The following SNX31 variants were observed in gnomAD, a reference collection of about 807,000 sequenced individuals.
The protein encoded by SNX31 is sorting nexin-31.
Under a neutral mutation model 65.4 loss-of-function variants are expected in SNX31, and 58 were observed. The observed-to-expected ratio is 0.89, with a 90% CI of 0.72 to 1.10. SNX31 has a LOEUF of 1.10. Ranked by LOEUF, SNX31 falls within the 50% of genes least tolerant of loss-of-function variation. The pLI is 0.00. For missense variants in SNX31, 523 were observed against 529.7 expected (o/e 0.99, Z 0.12); for synonymous variants, 181 against 190.1 (o/e 0.95, Z 0.39).
intron 1 of SNX31, among the ~76,000 whole-genome samples, chr8:100,659,448 C>A (rs1297275678): frequency 6.6e-6 from 1 of 151,392 alleles, no homozygotes; most frequent in Non-Finnish European, 1.5e-5. Context: ...CTGAGGCTGT[C>A]CCATGTACGG....
rs765492747 is a variant in SNX31 at position 100,575,574 on chromosome 8, G to A, written c.1227+1445C>T. On this transcript the variant is annotated intron_variant, in intron 13 of 13. Transcript: ENST00000311812. The surrounding 1 kb of genome is among the most constrained non-coding windows in gnomAD (Gnocchi z 5.1). ...TGTTATCTGTTGTCCTAGGACAGTG[G>A]CTCTCAAACTTGAACATGCATCAGA... 5.9e-4 allele frequency among the ~76,000 whole-genome samples: 90 copies of A among 152,132 alleles called. No homozygotes were observed. The highest frequency in any genetic ancestry group is 1.1e-3 in the Non-Finnish European group (72 of 68,022).
chr8:100,625,016 G>T lies in SNX31; in HGVS notation c.321+5311C>A, dbSNP rs1320001453. Reference sequence around the variant, plus strand: ...TGTAGAGACAGAGTCTCACTATGTTGCCCAGGCTGGTCTTCAACTCCTGGC... The same window carrying T: ...TGTAGAGACAGAGTCTCACTATGTTTCCCAGGCTGGTCTTCAACTCCTGGC... On this transcript the variant is annotated intron_variant, in intron 4 of 13. Coordinates refer to ENST00000311812, the MANE Select transcript of SNX31 (RefSeq NM_152628.4). The surrounding 1 kb of genome is among the most constrained non-coding windows in gnomAD (Gnocchi z 4.2). Among the ~76,000 whole-genome samples the T allele has an allele frequency of 1.3e-5, 2 of 151,838 alleles. No homozygotes were observed. The highest frequency in any genetic ancestry group is 2.9e-5 in the Non-Finnish European group (2 of 67,996).
intron 8 of SNX31, among the ~76,000 whole-genome samples, chr8:100,607,018 G>T (rs1816227334): frequency 6.6e-6 from 1 of 152,190 alleles, no homozygotes; most frequent in South Asian, 2.1e-4. Context: ...TTCCAGTAGG[G>T]AGAGAGTAAA....
At chr8:100,592,940 C>A (rs1363559447) in intron 10 of SNX31, among the ~76,000 whole-genome samples, 2 of 152,170 alleles carry the variant, frequency 1.3e-5, no homozygotes, top group Non-Finnish European at 2.9e-5. Context: ...TCATGCCGGA[C>A]TTTCTATGTG....
intron 9 of SNX31, 53 bp downstream of exon 9, chr8:100,600,296 T>A: frequency 6.8e-7 from 1 of 1,475,542 alleles, no homozygotes; most frequent in South Asian, 1.1e-5. Context: ...AATTCTAATA[T>A]GTTTCTTTAA....
intron 2 of SNX31, among the ~76,000 whole-genome samples, chr8:100,637,536 C>T (rs942360614): frequency 6.6e-6 from 1 of 152,146 alleles, no homozygotes; most frequent in African/African-American, 2.4e-5. Context: ...AGTCAAGAAT[C>T]TCATGACTTC....
At chr8:100,656,276 C>T (rs1190378266) in intron 1 of SNX31, among the ~76,000 whole-genome samples, 2 of 152,154 alleles carry the variant, frequency 1.3e-5, no homozygotes, top group Admixed American at 6.6e-5. Flanking sequence ...AGTGTACTTT[C>T]CTTCCTTTTT....
rs1469878254 is a variant in SNX31 at position 100,604,402 on chromosome 8, C to G, written c.682-3961G>C. On this transcript the variant is annotated intron_variant, in intron 8 of 13. Transcript: ENST00000311812. The surrounding 1 kb of genome is among the most constrained non-coding windows in gnomAD (Gnocchi z 4.3). ...TGAGAAATAGAGGTCATATGCCTCT[C>G]AAAGGCCGGCACTGGCCACTCGGCT... 6.6e-6 allele frequency among the ~76,000 whole-genome samples: 1 copy of G among 152,240 alleles called. No homozygotes were observed. The highest frequency in any genetic ancestry group is 1.5e-5 in the Non-Finnish European group (1 of 68,046).
At chr8:100,634,394 A>G (rs565601054) in intron 3 of SNX31, among the ~76,000 whole-genome samples, 3 of 136,820 alleles carry the variant, frequency 2.2e-5, no homozygotes, top group African/African-American at 9.4e-5. Context: ...TTCCTAATCC[A>G]GAAACTTTTT....
At chr8:100,651,407 C>T (rs1819969041), upstream of SNX31, among the ~76,000 whole-genome samples, 1 of 152,208 alleles carries the variant, frequency 6.6e-6, no homozygotes, top group African/African-American at 2.4e-5. Context: ...GTGGCCCCAG[C>T]TTTCCTGGAA....
intron 5 of SNX31, among the ~76,000 whole-genome samples, chr8:100,616,740 G>A (rs924825374): frequency 1.8e-4 from 28 of 152,144 alleles, no homozygotes; most frequent in Non-Finnish European, 3.1e-4. Flanking sequence ...GGAGATACAG[G>A]AATAGGTTAA....
intron 8 of SNX31, among the ~76,000 whole-genome samples, chr8:100,603,977 C>A (rs59364449): frequency 0.4 from 60,390 of 151,682 alleles, 13,320 homozygotes; most frequent in African/African-American, 0.59. Context: ...ATCTCAGGTA[C>A]TCTGCCCACC....
intron 11 of SNX31, among the ~76,000 whole-genome samples, chr8:100,587,147 C>T (rs1814119530): frequency 6.6e-6 from 1 of 152,164 alleles, no homozygotes; most frequent in African/African-American, 2.4e-5. Context: ...TCCTGTTTCT[C>T]TTTGCTAGAT....
intron 9 of SNX31, among the ~76,000 whole-genome samples, chr8:100,599,641 C>T (rs967131800): frequency 2.0e-5 from 3 of 151,846 alleles, no homozygotes; most frequent in East Asian, 1.9e-4. Context: ...GGTTGTATTT[C>T]GTTCAAAAAT....
intron 11 of SNX31, among the ~76,000 whole-genome samples, chr8:100,587,021 T>C (rs1045830108): frequency 2.6e-5 from 4 of 152,218 alleles, no homozygotes; most frequent in African/African-American, 7.2e-5. Context: ...CATGGATAGT[T>C]GGCTACCCAA....
chr8:100,608,405 A>C, intron 8 of SNX31, 89 bp downstream of exon 8: 1 of 1,213,388 alleles, frequency 8.2e-7, no homozygotes, highest in Admixed American at 1.8e-5. Flanking sequence ...TGGAGGTAGA[A>C]TTACTAACTG....
rs1467038404 is a variant in SNX31, at chr8:100,617,676, C to A, written c.376G>T (p.Glu126Ter). The stretch of plus-strand genomic sequence containing the variant: ...ATAATTTCGATTCTAATACTCTGTT[C>A]ATTGGGCAGAAATATGTCCAGATAA... Reference protein sequence around the residue: ...KAYLDIFLPNEQSIRIEIITS... With the variant: ...KAYLDIFLPN Residue 126 changes from glutamate (E) to a stop codon, truncating the protein, a stop_gained, in exon 5 of 14, where the codon GAA becomes TAA. Transcript: ENST00000311812. LOFTEE classifies it high-confidence loss of function. 3 of 1,613,464 alleles carry A rather than the reference C, an allele frequency of 1.9e-6. No individual in the cohort carries two copies. The highest frequency in any genetic ancestry group is 1.7e-6 in the Non-Finnish European group (2 of 1,179,832).
Position 100,618,074 on chromosome 8 carries a change from AT to A in SNX31, c.322-345del, listed in dbSNP as rs373460676. The A allele has an allele frequency of 1.9e-3, 1,917 of 985,326 alleles. 9 individuals carry two copies. Among genetic ancestry groups the A allele is most frequent in the South Asian group, 7.7e-3 (163 of 21,280 alleles). The allele number at this position is 985,326 out of a possible 1,614,324, so 61.0% of individuals were successfully genotyped here. On this transcript the variant is annotated intron_variant, in intron 4 of 13. Transcript: ENST00000311812. The stretch of plus-strand genomic sequence containing the variant: ...AGCCACCACGCCCGGCCTCCACACC[AT>A]TTTTTAAAGCTGCACCATTGCAGCA...
chr8:100,613,005 G>T lies in SNX31; in HGVS notation c.513C>A (p.Gly171=). ...TTCCTTCCTTCTTACCAGAGAGCTT[G>T]CCCTCCTTGCCAAACCGAATGAGAA... ...GLFLIRFGKE[G]KLSVVKKLAD... The change falls in exon 6 of 14, where the codon GGC becomes GGA. Residue 171 remains glycine (G), a synonymous_variant. Coordinates refer to ENST00000311812, the MANE Select transcript of SNX31 (RefSeq NM_152628.4). This position sits in a 1 kb window ranked among gnomAD's most constrained non-coding sequence, Gnocchi z 5.2. The T allele has an allele frequency of 6.2e-7, 1 of 1,613,926 alleles. No individual in the cohort carries two copies. The highest frequency in any genetic ancestry group is 8.5e-7 in the Non-Finnish European group (1 of 1,179,870).
Sources: gnomAD v4.1 joint callset for allele counts (sites outside exome capture counted in the v4.1 genomes callset) on GRCh38, gnomAD v4.1.1 for gene constraint, Gnocchi (gnomAD v3.1) non-coding constraint, MANE v1.5 for transcripts, NCBI Gene and HGNC (gene_info 2026-07-23, HGNC 2026-07-21) for gene names.